GALNT18: variants seen among roughly 807,000 people sequenced by gnomAD.
GALNT18 encodes GalNAc-transferase 18.
GALNT18 carries 44 observed loss-of-function variants against 69.5 expected under a neutral mutation model. The ratio of observed to expected loss-of-function variants is 0.63; its 90% CI spans 0.50 to 0.81. The LOEUF (loss-of-function observed/expected upper bound fraction) is 0.81, where lower values mean the gene tolerates loss of function less well. GALNT18 is among the 40% of genes least tolerant of loss of function. GALNT18 has a pLI of 0.00. For missense variants in GALNT18, 715 were observed against 810.0 expected (o/e 0.88, Z 1.42); for synonymous variants, 364 against 318.2 (o/e 1.14, Z -1.53).
At position 11,555,061 on chromosome 11, in the gene GALNT18, T is replaced by C. The variant is rs1246347664; in HGVS notation, c.235+66298A>G. Among the ~76,000 whole-genome samples the C allele has an allele frequency of 6.6e-6, 1 of 152,182 alleles. No individual in the cohort carries two copies. The highest frequency in any genetic ancestry group is 1.5e-5 in the Non-Finnish European group (1 of 68,016). Reference sequence around the variant, plus strand: ...ATCTTACCAACAACCCAATAAAGTGTCTATCATTTCTGCCATTCTACAGTT... The same window carrying C: ...ATCTTACCAACAACCCAATAAAGTGCCTATCATTTCTGCCATTCTACAGTT... On this transcript the variant is annotated intron_variant, in intron 1 of 10. Transcript: ENST00000227756. The surrounding 1 kb of genome is among the most constrained non-coding windows in gnomAD (Gnocchi z 4.7).
Position 11,469,323 on chromosome 11 carries a change from A to T in GALNT18, c.236-20387T>A, listed in dbSNP as rs766947856. Among the ~76,000 whole-genome samples the T allele has an allele frequency of 2.0e-5, 3 of 152,208 alleles. No individual in the cohort carries two copies. Among genetic ancestry groups the T allele is most frequent in the Non-Finnish European group, 4.4e-5 (3 of 68,034 alleles). ...GATGAAAGGCATGGAGACAGCGCTG[A>T]AAGCCTGCCCCTCATTATAAGCACT... On this transcript the variant is annotated intron_variant, in intron 1 of 10. Coordinates refer to ENST00000227756, the MANE Select transcript of GALNT18 (RefSeq NM_198516.3). The surrounding 1 kb of genome is among the most constrained non-coding windows in gnomAD (Gnocchi z 4.2).
At chr11:11,360,797 T>A (rs1262459888) in intron 6 of GALNT18, among the ~76,000 whole-genome samples, 2 of 152,238 alleles carry the variant, frequency 1.3e-5, no homozygotes, top group Non-Finnish European at 2.9e-5. Context: ...TTTGTTGCTT[T>A]AGCTTGAGTT....
intron 1 of GALNT18, among the ~76,000 whole-genome samples, chr11:11,577,957 G>T (rs1306754900): frequency 6.6e-6 from 1 of 151,750 alleles, no homozygotes; most frequent in African/African-American, 2.4e-5. Flanking sequence ...ATAGGAGAAG[G>T]AGAAAGCCAG....
intron 1 of GALNT18, among the ~76,000 whole-genome samples, chr11:11,477,454 G>C (rs1364584258): frequency 6.6e-6 from 1 of 152,188 alleles, no homozygotes; most frequent in Non-Finnish European, 1.5e-5. Flanking sequence ...TGGGCCTGCA[G>C]GCACAAGGCC....
rs1854182442 is a variant in GALNT18 at position 11,391,148 on chromosome 11, G to C, written c.596-11884C>G. ...TGCCCTGGGACATCCCCAGGTGCAG[G>C]ACACAGTTGCTGCTCTTCAAGGGCC... On this transcript the variant is annotated intron_variant, in intron 3 of 10. Coordinates refer to ENST00000227756, the MANE Select transcript of GALNT18 (RefSeq NM_198516.3). Among the ~76,000 whole-genome samples, 3 of 152,142 alleles carry C rather than the reference G, an allele frequency of 2.0e-5. No homozygotes were observed. The South Asian group carries it at 6.2e-4, about 32-fold the overall frequency.
intron 1 of GALNT18, among the ~76,000 whole-genome samples, chr11:11,535,888 T>C (rs2133948069): frequency 6.6e-6 from 1 of 152,332 alleles, no homozygotes; most frequent in East Asian, 1.9e-4. Context: ...CGTGCTTTCC[T>C]GCCTGTTCCT....
In GALNT18 at chr11:11,339,976, G is replaced by A. The variant is rs1850175297; in HGVS notation, c.1278+843C>T. 6.6e-6 allele frequency among the ~76,000 whole-genome samples: 1 copy of A among 152,174 alleles called. No individual in the cohort carries two copies. The highest frequency in any genetic ancestry group is 2.4e-5 in the African/African-American group (1 of 41,454). On this transcript the variant is annotated intron_variant, in intron 7 of 10. Coordinates refer to ENST00000227756, the MANE Select transcript of GALNT18 (RefSeq NM_198516.3). This position sits in a 1 kb window ranked among gnomAD's most constrained non-coding sequence, Gnocchi z 5.2. The stretch of plus-strand genomic sequence containing the variant: ...TCCAAAAGGGATTGCCATGGCCTTG[G>A]GAGGAAAGAATGAGGTCATGTAGTC...
In GALNT18 at chr11:11,584,218, C is replaced by T. The variant is rs544212167; in HGVS notation, c.235+37141G>A. 8.6e-4 allele frequency among the ~76,000 whole-genome samples: 131 copies of T among 152,258 alleles called. 1 individual carries two copies. The highest frequency in any genetic ancestry group is 1.0e-3 in the African/African-American group (43 of 41,544). ...AATAAAATTAGAGCAAAGTGTCCTT[C>T]CAGCAGCTGGGGACAGGAAGCTCGA... On this transcript the variant is annotated intron_variant, in intron 1 of 10. Coordinates refer to ENST00000227756, the MANE Select transcript of GALNT18 (RefSeq NM_198516.3). The surrounding 1 kb of genome is among the most constrained non-coding windows in gnomAD (Gnocchi z 4.1).
Position 11,421,793 on chromosome 11 carries a change from GC to G in GALNT18, c.595+10827del, listed in dbSNP as rs1202142353. On this transcript the variant is annotated intron_variant, in intron 3 of 10. Coordinates refer to ENST00000227756, the MANE Select transcript of GALNT18 (RefSeq NM_198516.3). The surrounding 1 kb of genome is among the most constrained non-coding windows in gnomAD (Gnocchi z 5.6). ...GGACTGGCCACGCTGCTAGCACACA[GC>G]ATCTTGATGTACTTGGCCAAAAGGT... Among the ~76,000 whole-genome samples the G allele has an allele frequency of 6.6e-6, 1 of 151,798 alleles. No homozygotes were observed. The highest frequency in any genetic ancestry group is 6.6e-5 in the Admixed American group (1 of 15,264).
intron 1 of GALNT18, among the ~76,000 whole-genome samples, chr11:11,452,959 C>T (rs56996642): frequency 0.025 from 3,778 of 152,332 alleles, 153 homozygotes; most frequent in African/African-American, 0.087. Context: ...ACTCTGTGAG[C>T]TGCAAAGCCA....
chr11:11,463,773 C>T lies in GALNT18; in HGVS notation c.236-14837G>A, dbSNP rs896499929. ...TCAAAGGAAATAGGCCATTTTCAAA[C>T]AAAATCCATTTCTTGAGCATGACGG... On this transcript the variant is annotated intron_variant, in intron 1 of 10. Transcript: ENST00000227756. The surrounding 1 kb of genome is among the most constrained non-coding windows in gnomAD (Gnocchi z 4.2). 8.5e-5 allele frequency among the ~76,000 whole-genome samples: 13 copies of T among 152,188 alleles called. No homozygotes were observed. The highest frequency in any genetic ancestry group is 3.1e-4 in the African/African-American group (13 of 41,440).
chr11:11,460,451 C>T (rs1353909677), intron 1 of GALNT18, among the ~76,000 whole-genome samples: 1 of 152,140 alleles, frequency 6.6e-6, no homozygotes, highest in Non-Finnish European at 1.5e-5. Context: ...GTGAACACAC[C>T]CCGTACAATC....
At chr11:11,597,581 CATTTT>C (rs1272272511) in intron 1 of GALNT18, among the ~76,000 whole-genome samples, 4 of 151,620 alleles carry the variant, frequency 2.6e-5, no homozygotes, top group Non-Finnish European at 5.9e-5. Flanking sequence ...TTTGGTATAT[CATTTT>C]ATTATAATCC....
intron 6 of GALNT18, among the ~76,000 whole-genome samples, chr11:11,358,536 C>T (rs1236564202): frequency 7.1e-6 from 1 of 139,894 alleles, no homozygotes; most frequent in East Asian, 1.9e-4. Context: ...TTATTAAAAT[C>T]CAAAACAATT....
chr11:11,471,369 A>G (rs534433985), intron 1 of GALNT18, among the ~76,000 whole-genome samples: 48 of 152,352 alleles, frequency 3.2e-4, no homozygotes, highest in African/African-American at 1.2e-3. Context: ...TTTGTTACCT[A>G]TAAAGCAGTG....
chr11:11,567,261 A>G (rs1469042095), intron 1 of GALNT18, among the ~76,000 whole-genome samples: 1 of 152,166 alleles, frequency 6.6e-6, no homozygotes, highest in African/African-American at 2.4e-5. Context: ...TTTCCTAGTA[A>G]CCTAGATCCA....
intron 1 of GALNT18, among the ~76,000 whole-genome samples, chr11:11,486,730 G>T (rs1342239147): frequency 6.6e-6 from 1 of 152,216 alleles, no homozygotes; most frequent in African/African-American, 2.4e-5. Context: ...GCTGTGCTCT[G>T]CTACCAGGAC....
rs925562268 is a variant in GALNT18, at chr11:11,444,382, C to T, written c.428+4362G>A. The stretch of plus-strand genomic sequence containing the variant: ...CCCGCCACGGAGCCTGGGAAATGGT[C>T]AGCAGACTCGCCCTCCCACCAACCT... On this transcript the variant is annotated intron_variant, in intron 2 of 10. Coordinates refer to ENST00000227756, the MANE Select transcript of GALNT18 (RefSeq NM_198516.3). The surrounding 1 kb of genome is among the most constrained non-coding windows in gnomAD (Gnocchi z 4.4). 6.6e-6 allele frequency among the ~76,000 whole-genome samples: 1 copy of T among 152,248 alleles called. No individual in the cohort carries two copies.
chr11:11,323,142 G>A (rs1849864966), intron 9 of GALNT18, among the ~76,000 whole-genome samples: 1 of 152,130 alleles, frequency 6.6e-6, no homozygotes, highest in Non-Finnish European at 1.5e-5. Context: ...TGTTTTTAAG[G>A]CATGCAAAAT....
Sources: gnomAD v4.1 joint callset for allele counts (sites outside exome capture counted in the v4.1 genomes callset) on GRCh38, gnomAD v4.1.1 for gene constraint, Gnocchi (gnomAD v3.1) non-coding constraint, MANE v1.5 for transcripts, NCBI Gene and HGNC (gene_info 2026-07-23, HGNC 2026-07-21) for gene names.